The following ZNF429 variants were observed in gnomAD, a reference collection of about 807,000 sequenced individuals.
ZNF429 encodes the protein zinc finger protein 429.
Under a neutral mutation model 56.8 loss-of-function variants are expected in ZNF429, and 53 were observed. The ratio of observed to expected loss-of-function variants is 0.93; its 90% CI spans 0.75 to 1.17. ZNF429 has a LOEUF of 1.17. Ranked by LOEUF, ZNF429 falls within the 50% of genes most tolerant of loss-of-function variation. The pLI is 0.00. For missense variants in ZNF429, 849 were observed against 788.4 expected (o/e 1.08, Z -0.92); for synonymous variants, 278 against 264.7 (o/e 1.05, Z -0.49).
At chr19:21,531,122 A>AAAC in intron 3 of ZNF429, among the ~76,000 whole-genome samples, 3 of 20,220 alleles carry the variant, frequency 1.5e-4, no homozygotes, top group African/African-American at 2.3e-4. Context: ...AAAAAAAAAA[A>AAAC]AAAAAAACCA....
rs2033835538 is a variant in ZNF429, at chr19:21,539,227, CATAGA to C, written c.*1153_*1157del. ...TGATATTGAATACATGTATTAAATA[CATAGA>C]ATATGATATTTAATACATAGAAAAG... is the stretch of plus-strand genomic sequence containing the variant. On this transcript the variant is annotated 3_prime_UTR_variant, in exon 4 of 4. Coordinates refer to ENST00000358491, the MANE Select transcript of ZNF429 (RefSeq NM_001001415.4). Among the ~76,000 whole-genome samples the C allele has an allele frequency of 1.3e-5, 2 of 151,764 alleles. No individual in the cohort carries two copies. The highest frequency in any genetic ancestry group is 3.9e-4 in the East Asian group (2 of 5,158).
In ZNF429 at chr19:21,539,066, T is replaced by TC. The variant is rs2033829241; in HGVS notation, c.*992dup. 6.6e-6 allele frequency among the ~76,000 whole-genome samples: 1 copy of TC among 152,088 alleles called. No homozygotes were observed. Among genetic ancestry groups the TC allele is most frequent in the Non-Finnish European group, 1.5e-5 (1 of 68,028 alleles). On this transcript the variant is annotated 3_prime_UTR_variant, in exon 4 of 4. Coordinates refer to ENST00000358491, the MANE Select transcript of ZNF429 (RefSeq NM_001001415.4). The stretch of plus-strand genomic sequence containing the variant: ...TAATAAATTTGGAAAAACTTTTTTT[T>TC]CCCCAAAAACTATACCTCAGGAAAC...
chr19:21,536,335 T>C lies in ZNF429; in HGVS notation c.282T>C (p.Ser94=), dbSNP rs1370933560. ...GGCCAGAGCAAGACATAAAAGATTC[T>C]TTCCAAAAAGTGACACTGAGGAGAT... ...DFWPEQDIKD[S]FQKVTLRRYD... is the part of the protein sequence containing the mutation. Residue 94 remains serine, a synonymous_variant, in exon 4 of 4, where the codon TCT becomes TCC. Coordinates refer to ENST00000358491, the MANE Select transcript of ZNF429 (RefSeq NM_001001415.4). The C allele has an allele frequency of 6.2e-7, 1 of 1,609,760 alleles. No homozygotes were observed. Among genetic ancestry groups the C allele is most frequent in the East Asian group, 2.2e-5 (1 of 44,774 alleles).
chr19:21,516,248 T>C (rs1033691026), intron 1 of ZNF429, among the ~76,000 whole-genome samples: 2 of 151,622 alleles, frequency 1.3e-5, no homozygotes, highest in African/African-American at 2.4e-5. Context: ...TCATCATTAT[T>C]ATTATTATTA....
At chr19:21,535,989 G>A in intron 3 of ZNF429, among the ~76,000 whole-genome samples, 1 of 152,196 alleles carries the variant, frequency 6.6e-6, no homozygotes, top group Non-Finnish European at 1.5e-5. Context: ...TTGGGGAACA[G>A]GAAGAGCTGT....
intron 1 of ZNF429, among the ~76,000 whole-genome samples, chr19:21,515,160 C>G (rs181394670): frequency 1.3e-5 from 2 of 151,190 alleles, no homozygotes; most frequent in African/African-American, 4.9e-5. Flanking sequence ...AGACTGGTCT[C>G]GAACTCCTGA....
chr19:21,535,547 C>T, intron 3 of ZNF429, among the ~76,000 whole-genome samples: 8 of 147,172 alleles, frequency 5.4e-5, no homozygotes, highest in African/African-American at 2.0e-4. Flanking sequence ...CAGAGTCTTG[C>T]TCTGTTGCCC....
Position 21,506,061 on chromosome 19 carries a change from A to G in ZNF429, c.3+287A>G, listed in dbSNP as rs1460426106. 2.1e-5 allele frequency: 5 copies of G among 239,034 alleles called. No homozygotes were observed. In the East Asian group the frequency reaches 4.7e-4, roughly 23 times the overall value. The allele number at this position is 239,034 out of a possible 1,614,324, so 14.8% of individuals were successfully genotyped here. A position where few individuals can be genotyped will look rare whatever the true frequency, so the allele number is the denominator to read the frequency against. On this transcript the variant is annotated intron_variant, in intron 1 of 3. Coordinates refer to ENST00000358491, the MANE Select transcript of ZNF429 (RefSeq NM_001001415.4). ...CGCAGTCTCTCCCAGATTGTGCAAGAACCATGGGAGGGGCGTCAGGTGAGA... is the reference window on the plus strand; with the variant it reads ...CGCAGTCTCTCCCAGATTGTGCAAGGACCATGGGAGGGGCGTCAGGTGAGA...
intron 1 of ZNF429, among the ~76,000 whole-genome samples, chr19:21,527,037 A>G (rs2033195400): frequency 6.6e-6 from 1 of 152,212 alleles, no homozygotes. Flanking sequence ...AAAGAATATG[A>G]TACTTTAGTG....
intron 3 of ZNF429, 146 bp downstream of exon 3, chr19:21,530,830 G>A: frequency 1.5e-6 from 1 of 649,616 alleles, no homozygotes; most frequent in Non-Finnish European, 2.5e-6. Context: ...TTTCAGCCTG[G>A]CACAGTGGTT....
At chr19:21,531,708 G>A in intron 3 of ZNF429, among the ~76,000 whole-genome samples, 2 of 151,988 alleles carry the variant, frequency 1.3e-5, no homozygotes, top group Admixed American at 1.3e-4. Context: ...GGGAGACTAA[G>A]GCAGGGAGAA....
chr19:21,536,187 AC>A lies in ZNF429; in HGVS notation c.227-92del. On this transcript the variant is annotated intron_variant, in intron 3 of 3. Transcript: ENST00000358491. Reference sequence around the variant, plus strand: ...GGTATTTTGCTATGCTGTGTTGCTTACGTAGTTTTTATAACTTTAGAGGTTT... The same window carrying A: ...GGTATTTTGCTATGCTGTGTTGCTTAGTAGTTTTTATAACTTTAGAGGTTT... 9.3e-6 allele frequency: 12 copies of A among 1,292,958 alleles called. No individual in the cohort carries two copies. The East Asian group carries it at 2.9e-4, about 31-fold the overall frequency. The allele number at this position is 1,292,958 out of a possible 1,614,324, so 80.1% of individuals were successfully genotyped here.
At chr19:21,519,550 T>A (rs946366383) in intron 1 of ZNF429, among the ~76,000 whole-genome samples, 6 of 152,232 alleles carry the variant, frequency 3.9e-5, no homozygotes, top group African/African-American at 1.2e-4. Flanking sequence ...TTGTTCTGTT[T>A]CTGTATCCTT....
intron 1 of ZNF429, among the ~76,000 whole-genome samples, chr19:21,509,057 G>T (rs1184476379): frequency 1.3e-5 from 2 of 150,922 alleles, no homozygotes; most frequent in East Asian, 2.0e-4. Context: ...GCTCAAGGCT[G>T]GGGTGCAGTG....
chr19:21,526,579 C>T (rs2133816), intron 1 of ZNF429, among the ~76,000 whole-genome samples: 28,365 of 151,974 alleles, frequency 0.19, 2,694 homozygotes, highest in Middle Eastern at 0.21. Context: ...AACACAATTA[C>T]GTCTTTCCTC....
chr19:21,514,267 T>G (rs1178132010), intron 1 of ZNF429, among the ~76,000 whole-genome samples: 1 of 152,158 alleles, frequency 6.6e-6, no homozygotes, highest in African/African-American at 2.4e-5. Context: ...GGAAGTTTAG[T>G]GTAGATTATT....
rs1268831381 is a variant in ZNF429 at position 21,537,481 on chromosome 19, T to C, written c.1428T>C (p.Thr476=). 9 of 1,613,896 alleles carry C rather than the reference T, an allele frequency of 5.6e-6. No individual in the cohort carries two copies. Among genetic ancestry groups the C allele is most frequent in the South Asian group, 1.1e-5 (1 of 91,086 alleles). ...SHLTSHRRIH[T]GEKPYKCEEC... is the part of the protein sequence containing the mutation. ...TTACTAGCCATAGGAGAATTCATAC[T>C]GGAGAGAAACCCTACAAATGTGAAG... Residue 476 remains threonine (T), a synonymous_variant, in exon 4 of 4, where the codon ACT becomes ACC. Transcript: ENST00000358491.
chr19:21,508,095 AC>A (rs1267057935), intron 1 of ZNF429, among the ~76,000 whole-genome samples: 1 of 152,072 alleles, frequency 6.6e-6, no homozygotes, highest in African/African-American at 2.4e-5. Context: ...TCTACTAAAA[AC>A]AGAAAATTAA....
rs1341070518 is a variant in ZNF429, at chr19:21,539,549, G to T, written c.*1471G>T. On this transcript the variant is annotated 3_prime_UTR_variant, in exon 4 of 4. Coordinates refer to ENST00000358491, the MANE Select transcript of ZNF429 (RefSeq NM_001001415.4). The stretch of plus-strand genomic sequence containing the variant: ...CAGTTCTCCTGCCACAGCCTCCTGA[G>T]TAGCTGGGAATACAGGCATACACCA... 1.3e-5 allele frequency among the ~76,000 whole-genome samples: 2 copies of T among 151,384 alleles called. No individual in the cohort carries two copies. The highest frequency in any genetic ancestry group is 4.8e-5 in the African/African-American group (2 of 41,256).
Sources: gnomAD v4.1 joint callset for allele counts (sites outside exome capture counted in the v4.1 genomes callset) on GRCh38, gnomAD v4.1.1 for gene constraint, MANE v1.5 for transcripts, NCBI Gene and HGNC (gene_info 2026-07-23, HGNC 2026-07-21) for gene names.